HEPHL1: variants seen among roughly 807,000 people sequenced by gnomAD.
The protein encoded by HEPHL1 is ferroxidase HEPHL1.
In HEPHL1, 123 loss-of-function variants were observed where a neutral mutation model predicts 122.0. The observed-to-expected ratio is 1.01, with a 90% CI of 0.87 to 1.17. HEPHL1 has a LOEUF of 1.17. Among genes scored for constraint, HEPHL1 ranks in the 50% most tolerant of loss-of-function variants. HEPHL1 has a pLI of 0.00. For missense variants in HEPHL1, 1,452 were observed against 1,430.5 expected (o/e 1.01, Z -0.24); for synonymous variants, 527 against 508.9 (o/e 1.04, Z -0.48).
chr11:94,022,228 C>A (rs1945588077), intron 1 of HEPHL1, among the ~76,000 whole-genome samples: 1 of 152,196 alleles, frequency 6.6e-6, no homozygotes, highest in South Asian at 2.1e-4. Context: ...CTGCCCCCTC[C>A]AGGGCCTAGT....
intron 13 of HEPHL1, among the ~76,000 whole-genome samples, chr11:94,097,010 C>T (rs1014615344): frequency 6.6e-6 from 1 of 152,132 alleles, no homozygotes; most frequent in Non-Finnish European, 1.5e-5. Flanking sequence ...TTTTGTGTCT[C>T]TCTCTCCTTC....
Position 94,102,959 on chromosome 11 carries a change from C to G in HEPHL1, c.2621C>G (p.Pro874Arg), listed in dbSNP as rs748965535. 1.2e-6 allele frequency: 2 copies of G among 1,609,724 alleles called. No homozygotes were observed. Among genetic ancestry groups the G allele is most frequent in the Non-Finnish European group, 1.7e-6 (2 of 1,176,208 alleles). Reference protein sequence around the residue: ...YRWNIPKRSGPGPSDPNCIPW... With the variant: ...YRWNIPKRSGRGPSDPNCIPW... ...TGGAATATCCCTAAAAGATCCGGTC[C>G]AGGGCCTTCTGATCCCAATTGTATT... Residue 874 changes from proline (P) to arginine (R), a missense_variant, in exon 15 of 20, where the codon CCA becomes CGA. By Grantham distance (103) the Pro-to-Arg change is moderately radical (BLOSUM62 -2). Transcript: ENST00000315765.
chr11:94,028,613 G>T (rs1945646503), intron 1 of HEPHL1, among the ~76,000 whole-genome samples: 1 of 152,150 alleles, frequency 6.6e-6, no homozygotes, highest in Non-Finnish European at 1.5e-5. Flanking sequence ...GGATTCTTTT[G>T]CAGCAGGAAG....
In HEPHL1 at chr11:94,111,783, ACTC is replaced by A. The variant is rs1023023960; in HGVS notation, c.3375_3377del (p.Leu1127del). On this transcript the variant is annotated inframe_deletion, in exon 20 of 20. Coordinates refer to ENST00000315765, the MANE Select transcript of HEPHL1 (RefSeq NM_001098672.2). Reference sequence around the variant, plus strand: ...CCTTGGTCATCCTTTTCATCATTGGACTCCTCCTTCTAATCACCACGGTGATTC... The same window carrying A: ...CCTTGGTCATCCTTTTCATCATTGGACTCCTTCTAATCACCACGGTGATTC... The A allele has an allele frequency of 1.3e-5, 21 of 1,589,974 alleles. No homozygotes were observed. Among genetic ancestry groups the A allele is most frequent in the Non-Finnish European group, 1.8e-5 (21 of 1,169,492 alleles).
chr11:94,111,101 C>A, intron 18 of HEPHL1, 36 bp downstream of exon 18: 1 of 1,524,958 alleles, frequency 6.6e-7, no homozygotes, highest in South Asian at 1.2e-5. Context: ...GATGATGGCA[C>A]CGAGCTTCCT....
rs544585711 is a variant in HEPHL1, at chr11:94,057,143, C to T, written c.416-6365C>T. On this transcript the variant is annotated intron_variant, in intron 2 of 19. Transcript: ENST00000315765. The stretch of plus-strand genomic sequence containing the variant: ...TTAATCATATTGATGCTCCCTTGTA[C>T]GTGATAGGTCATTTTTGTCTATCTG... 9.2e-5 allele frequency among the ~76,000 whole-genome samples: 14 copies of T among 152,178 alleles called. No individual in the cohort carries two copies. In the East Asian group the frequency reaches 1.4e-3, roughly 15 times the overall value.
At chr11:94,094,717 T>C (rs1326973847) in intron 13 of HEPHL1, among the ~76,000 whole-genome samples, 8 of 152,240 alleles carry the variant, frequency 5.3e-5, no homozygotes, top group Admixed American at 5.2e-4. Context: ...GGTATCTCAC[T>C]GTGGTTTTGA....
intron 1 of HEPHL1, among the ~76,000 whole-genome samples, chr11:94,026,915 G>C (rs750955337): frequency 3.3e-5 from 5 of 152,194 alleles, no homozygotes; most frequent in Non-Finnish European, 7.4e-5. Context: ...TACTTGCTTT[G>C]AGGGTGTATC....
chr11:94,075,498 T>C (rs1188598681), intron 9 of HEPHL1, 113 bp downstream of exon 9: 1 of 713,164 alleles, frequency 1.4e-6, no homozygotes, highest in East Asian at 2.7e-5. Flanking sequence ...TCTTTCTTCC[T>C]CTTGAAGTAG....
At chr11:94,091,334 A>C (rs1946262734) in intron 12 of HEPHL1, among the ~76,000 whole-genome samples, 1 of 152,170 alleles carries the variant, frequency 6.6e-6, no homozygotes, top group Non-Finnish European at 1.5e-5. Flanking sequence ...TATCAATTCC[A>C]TGAGGTAGAG....
At chr11:94,056,288 T>G (rs1303501682) in intron 2 of HEPHL1, among the ~76,000 whole-genome samples, 3 of 152,172 alleles carry the variant, frequency 2.0e-5, no homozygotes, top group East Asian at 3.9e-4. Flanking sequence ...ATTTTGCTTT[T>G]TTTCCCCCAG....
intron 12 of HEPHL1, among the ~76,000 whole-genome samples, chr11:94,092,985 C>T (rs1017140862): frequency 1.3e-5 from 2 of 151,984 alleles, no homozygotes; most frequent in African/African-American, 2.4e-5. Context: ...TGGATGTATA[C>T]ACAATACATG....
chr11:94,087,548 C>T (rs1434824935), intron 11 of HEPHL1, among the ~76,000 whole-genome samples: 2 of 152,094 alleles, frequency 1.3e-5, no homozygotes, highest in African/African-American at 4.8e-5. Flanking sequence ...TTTCCATGTT[C>T]TTCTATTATT....
chr11:94,031,645 G>C (rs1214807295), intron 1 of HEPHL1, among the ~76,000 whole-genome samples: 1 of 152,212 alleles, frequency 6.6e-6, no homozygotes, highest in East Asian at 1.9e-4. Flanking sequence ...GGGGGACAGA[G>C]AACATTGCTG....
In HEPHL1 at chr11:94,072,914, G is replaced by A; in HGVS notation, c.1233-111G>A. On this transcript the variant is annotated intron_variant, in intron 6 of 19. Transcript: ENST00000315765. ...TGTCAAGGCCTGTGCTGTCTTTTCT[G>A]GGGACATGGGTGGGCGAGTGGACTA... The A allele has an allele frequency of 3.1e-6, 3 of 974,810 alleles. No homozygotes were observed. In the South Asian group the frequency reaches 5.0e-5, roughly 16 times the overall value. 60.4% of individuals were successfully genotyped at this position (974,810 alleles called of 1,614,324 possible).
intron 1 of HEPHL1, among the ~76,000 whole-genome samples, chr11:94,036,930 G>A (rs1289037761): frequency 6.6e-6 from 1 of 152,164 alleles, no homozygotes; most frequent in Non-Finnish European, 1.5e-5. Flanking sequence ...CAGAAGACGG[G>A]TGATTTCTGC....
intron 17 of HEPHL1, among the ~76,000 whole-genome samples, chr11:94,108,060 G>A (rs1946422517): frequency 6.6e-6 from 1 of 152,154 alleles, no homozygotes; most frequent in Non-Finnish European, 1.5e-5. Flanking sequence ...GGTATTTTTA[G>A]TTTTTATTTC....
intron 1 of HEPHL1, among the ~76,000 whole-genome samples, chr11:94,023,547 T>C (rs1945599075): frequency 6.6e-6 from 1 of 152,098 alleles, no homozygotes; most frequent in Admixed American, 6.6e-5. Flanking sequence ...ATAAAACATA[T>C]AAAAATTGCT....
Position 94,067,412 on chromosome 11 carries a change from A to T in HEPHL1, c.809-84A>T, listed in dbSNP as rs996625659. The T allele has an allele frequency of 2.2e-6, 3 of 1,370,658 alleles. No individual in the cohort carries two copies. In the South Asian group the frequency reaches 3.9e-5, roughly 18 times the overall value. 84.9% of individuals were successfully genotyped at this position (1,370,658 alleles called of 1,614,324 possible). A position where few individuals can be genotyped will look rare whatever the true frequency, so the allele number is the denominator to read the frequency against. On this transcript the variant is annotated intron_variant, in intron 4 of 19. Coordinates refer to ENST00000315765, the MANE Select transcript of HEPHL1 (RefSeq NM_001098672.2). ...AATGGTCTGCACTGGTTTTCCAGCC[A>T]TGCTTAAGCCCGTATTACCAACATT...
Sources: allele counts gnomAD v4.1 joint callset (sites outside exome capture counted in the v4.1 genomes callset), GRCh38; gene constraint gnomAD v4.1.1; transcripts MANE v1.5; gene names NCBI Gene and HGNC (gene_info 2026-07-23, HGNC 2026-07-21).